PTPRM: variants seen among roughly 807,000 people sequenced by gnomAD.
PTPRM encodes the protein protein tyrosine phosphatase receptor type M.
Under a neutral mutation model 186.7 loss-of-function variants are expected in PTPRM, and 47 were observed. That is an observed-to-expected ratio of 0.25 (90% CI 0.20 to 0.32). The LOEUF is 0.32. Ranked by LOEUF, PTPRM falls within the 10% of genes least tolerant of loss-of-function variation. The probability of loss-of-function intolerance (pLI) is 1.00; values close to 1 mark genes in which losing one functional copy is unlikely to be tolerated. For synonymous variants in PTPRM, 668 were observed against 674.9 expected (o/e 0.99, Z 0.16); for missense variants, 1,494 against 1,865.0 (o/e 0.80, Z 3.66).
At chr18:8,040,800 A>G (rs980305691) in intron 7 of PTPRM, among the ~76,000 whole-genome samples, 3 of 152,226 alleles carry the variant, frequency 2.0e-5, no homozygotes, top group Non-Finnish European at 4.4e-5. Context: ...CAGTTTCTGC[A>G]TTTGAGAGTT....
At chr18:7,694,415 C>T (rs369473362) in intron 1 of PTPRM, among the ~76,000 whole-genome samples, 7 of 143,824 alleles carry the variant, frequency 4.9e-5, no homozygotes, top group East Asian at 4.6e-4. Context: ...TAGGAAACTC[C>T]CTTCTTCCTT....
At chr18:8,384,442 A>C in intron 29 of PTPRM, 119 bp from the exon 30 acceptor site, 1 of 1,161,014 alleles carries the variant, frequency 8.6e-7, no homozygotes, top group Admixed American at 2.1e-5. Context: ...GGGGAGACAG[A>C]GCAAGACCCT....
intron 1 of PTPRM, among the ~76,000 whole-genome samples, chr18:7,578,887 C>T (rs944353819): frequency 1.3e-5 from 2 of 152,082 alleles, no homozygotes; most frequent in African/African-American, 4.8e-5. Context: ...ACGGGTCCAT[C>T]AGTCTGTTCC....
rs1187857593 is a variant in PTPRM, at chr18:7,859,501, G to A, written c.197-28605G>A. On this transcript the variant is annotated intron_variant, in intron 2 of 32. Coordinates refer to ENST00000580170, the MANE Select transcript of PTPRM (RefSeq NM_001105244.2). ...GATCAAGAACTGGCATTACTGCCTG[G>A]CACCTGGGGCTTCCATGAGCCTTCT... Among the ~76,000 whole-genome samples the A allele has an allele frequency of 2.6e-5, 4 of 152,328 alleles. No homozygotes were observed. The East Asian group carries it at 5.8e-4, about 22-fold the overall frequency.
intron 15 of PTPRM, among the ~76,000 whole-genome samples, chr18:8,245,936 T>C (rs1217005438): frequency 6.6e-6 from 1 of 152,236 alleles, no homozygotes; most frequent in Non-Finnish European, 1.5e-5. Flanking sequence ...AAAATGTTCA[T>C]GTACAAACGG....
intron 2 of PTPRM, among the ~76,000 whole-genome samples, chr18:7,778,417 A>G (rs960898890): frequency 1.3e-5 from 2 of 152,074 alleles, no homozygotes; most frequent in Non-Finnish European, 2.9e-5. Flanking sequence ...GATTCGTTTC[A>G]TATCAGTTGA....
chr18:8,137,702 A>G (rs2092669748), intron 13 of PTPRM, among the ~76,000 whole-genome samples: 1 of 152,154 alleles, frequency 6.6e-6, no homozygotes, highest in Non-Finnish European at 1.5e-5. Context: ...CCCCTGCTCC[A>G]GACCCTGCCC....
At chr18:7,659,150 A>G (rs111671880) in intron 1 of PTPRM, among the ~76,000 whole-genome samples, 56 of 151,324 alleles carry the variant, frequency 3.7e-4, no homozygotes, top group African/African-American at 1.3e-3. Context: ...ACACACACAC[A>G]CACACAATCT....
intron 32 of PTPRM, among the ~76,000 whole-genome samples, chr18:8,400,887 C>T (rs1294163413): frequency 6.6e-6 from 1 of 152,108 alleles, no homozygotes; most frequent in Non-Finnish European, 1.5e-5. Flanking sequence ...TGTGTGTGTG[C>T]ATGTGTTGGG....
Position 8,372,056 on chromosome 18 carries a change from C to CTTTTTTTTTTTTTTTTTTTT in PTPRM, c.3171+1057_3171+1076dup, listed in dbSNP as rs557766971. Among the ~76,000 whole-genome samples the CTTTTTTTTTTTTTTTTTTTT allele has an allele frequency of 3.2e-4, 19 of 59,066 alleles. 4 individuals carry two copies. Among genetic ancestry groups the CTTTTTTTTTTTTTTTTTTTT allele is most frequent in the East Asian group, 5.3e-4 (1 of 1,894 alleles). 38.7% of individuals were successfully genotyped at this position (59,066 alleles called of 152,430 possible). ...TTGGCCTTCCTCTCCACTCTATATT[C>CTTTTTTTTTTTTTTTTTTTT]TTTTTTTTTTTTTTTTTTTTTTTTT... On this transcript the variant is annotated intron_variant, in intron 24 of 32. Coordinates refer to ENST00000580170, the MANE Select transcript of PTPRM (RefSeq NM_001105244.2).
intron 1 of PTPRM, among the ~76,000 whole-genome samples, chr18:7,767,109 G>C (rs558457031): frequency 1.3e-5 from 2 of 152,164 alleles, no homozygotes; most frequent in African/African-American, 4.8e-5. Flanking sequence ...GTAGCTTACA[G>C]GTTCCCCTTA....
chr18:8,372,164 C>T (rs1049759670), intron 24 of PTPRM, among the ~76,000 whole-genome samples: 5 of 141,276 alleles, frequency 3.5e-5, no homozygotes, highest in East Asian at 2.0e-4. Context: ...CTCCGCTTCC[C>T]GGGTTCACGC....
At chr18:7,664,412 G>A (rs953879359) in intron 1 of PTPRM, among the ~76,000 whole-genome samples, 10 of 152,336 alleles carry the variant, frequency 6.6e-5, no homozygotes, top group Admixed American at 3.9e-4. Flanking sequence ...TAAACATTGA[G>A]CATAAGCCCT....
rs191638623 is a variant in PTPRM, at chr18:7,900,165, C to T, written c.469-6340C>T. Among the ~76,000 whole-genome samples the T allele has an allele frequency of 1.4e-4, 21 of 152,312 alleles. No individual in the cohort carries two copies. The East Asian group carries it at 2.1e-3, about 15-fold the overall frequency. ...AATATTTCAGGCTTTACAGTCCAAA[C>T]GCTGTCTGTGGCAGCTACTCAACTC... On this transcript the variant is annotated intron_variant, in intron 3 of 32. Transcript: ENST00000580170.
At chr18:8,313,146 C>A (rs762716268) in intron 20 of PTPRM, among the ~76,000 whole-genome samples, 5 of 152,184 alleles carry the variant, frequency 3.3e-5, no homozygotes, top group Non-Finnish European at 5.9e-5. Flanking sequence ...CTGTGGGCTT[C>A]ATTTCTCACC....
chr18:7,740,116 G>A (rs79762335), intron 1 of PTPRM, among the ~76,000 whole-genome samples: 3,671 of 152,300 alleles, frequency 0.024, 67 homozygotes, highest in Non-Finnish European at 0.035. Flanking sequence ...TCTATCCTCA[G>A]AGGAAGTTCT....
chr18:7,764,045 C>T (rs2041908151), intron 1 of PTPRM, among the ~76,000 whole-genome samples: 1 of 151,398 alleles, frequency 6.6e-6, no homozygotes, highest in Non-Finnish European at 1.5e-5. Flanking sequence ...AGTAACTCTA[C>T]TTAGGAGAAA....
chr18:7,994,414 A>C (rs1243900982), intron 7 of PTPRM, among the ~76,000 whole-genome samples: 1 of 152,122 alleles, frequency 6.6e-6, no homozygotes, highest in Admixed American at 6.6e-5. Flanking sequence ...AGCATTAGAT[A>C]GATAACCTAG....
chr18:8,133,844 G>A (rs1288906616), intron 13 of PTPRM, among the ~76,000 whole-genome samples: 1 of 152,098 alleles, frequency 6.6e-6, no homozygotes, highest in Non-Finnish European at 1.5e-5. Flanking sequence ...CTTGATTGGA[G>A]CTATTATTTA....
Sources: gnomAD v4.1 joint callset for allele counts (sites outside exome capture counted in the v4.1 genomes callset) on GRCh38, gnomAD v4.1.1 for gene constraint, MANE v1.5 for transcripts, NCBI Gene and HGNC (gene_info 2026-07-23, HGNC 2026-07-21) for gene names.